Variants in CAPS2 observed in about 807,000 individuals in gnomAD.
CAPS2 encodes the protein calcyphosine 2.
CAPS2 carries 98 observed loss-of-function variants against 86.5 expected under a neutral mutation model. The ratio of observed to expected loss-of-function variants is 1.13; its 90% CI spans 0.96 to 1.34. The LOEUF is 1.34. CAPS2 is among the 40% of genes most tolerant of loss of function. The probability of loss-of-function intolerance (pLI) is 0.00; values close to 1 mark genes in which losing one functional copy is unlikely to be tolerated. For synonymous variants in CAPS2, 210 were observed against 225.1 expected, an observed-to-expected ratio of 0.93 and a Z score of 0.60; for missense variants, 729 against 686.8, an observed-to-expected ratio of 1.06 and a Z score of -0.69.
chr12:75,332,431 T>C (rs1226704984), upstream of CAPS2, among the ~76,000 whole-genome samples: 1 of 152,218 alleles, frequency 6.6e-6, no homozygotes, highest in Non-Finnish European at 1.5e-5. Flanking sequence ...ATTTATTTGT[T>C]CATTCAGCCA....
chr12:75,332,074 A>G (rs1276326494), upstream of CAPS2, among the ~76,000 whole-genome samples: 2 of 152,222 alleles, frequency 1.3e-5, no homozygotes, highest in Non-Finnish European at 2.9e-5. Context: ...AACATAATGT[A>G]TACAATTCAG....
intron 1 of CAPS2, among the ~76,000 whole-genome samples, chr12:75,388,265 C>G (rs536453524): frequency 6.6e-6 from 1 of 152,308 alleles, no homozygotes; most frequent in East Asian, 1.9e-4. Context: ...ATTGCGAGGG[C>G]TCCCAGCCAT....
intron 11 of CAPS2, among the ~76,000 whole-genome samples, chr12:75,297,535 G>GTATC (rs1289247749): frequency 6.6e-6 from 1 of 152,072 alleles, no homozygotes; most frequent in Non-Finnish European, 1.5e-5. Context: ...CTGCCCTTGT[G>GTATC]TATCTAGTCT....
At chr12:75,293,681 A>G (rs1284287822) in intron 11 of CAPS2, among the ~76,000 whole-genome samples, 1 of 152,192 alleles carries the variant, frequency 6.6e-6, no homozygotes, top group Non-Finnish European at 1.5e-5. Flanking sequence ...ACCTCCCTGA[A>G]TAGAGCTAAT....
chr12:75,368,364 A>AT (rs1226781354), intron 1 of CAPS2, among the ~76,000 whole-genome samples: 1 of 149,584 alleles, frequency 6.7e-6, no homozygotes, highest in Non-Finnish European at 1.5e-5. Flanking sequence ...AACTTTAACA[A>AT]TTTTTTCCTG....
intron 8 of CAPS2, among the ~76,000 whole-genome samples, chr12:75,304,337 G>A (rs943351403): frequency 3.3e-5 from 5 of 152,106 alleles, no homozygotes; most frequent in Non-Finnish European, 5.9e-5. Flanking sequence ...CAGCATCAGA[G>A]GATTGTAAAA....
intron 1 of CAPS2, chr12:75,370,295 T>A: frequency 5.2e-6 from 3 of 578,866 alleles, no homozygotes; most frequent in Non-Finnish European, 9.2e-6. Flanking sequence ...GCCTGATACC[T>A]AAATTTAATG....
At chr12:75,386,753 A>G (rs1455663715) in intron 1 of CAPS2, among the ~76,000 whole-genome samples, 4 of 152,222 alleles carry the variant, frequency 2.6e-5, no homozygotes, top group African/African-American at 9.6e-5. Flanking sequence ...GAAATAGAAC[A>G]GCATAAATAA....
At chr12:75,329,984 T>C (rs1281492017), upstream of CAPS2, 2 of 843,742 alleles carry the variant, frequency 2.4e-6, no homozygotes, top group Non-Finnish European at 3.7e-6. Flanking sequence ...AGGTATAAAC[T>C]AGCGCGATTC....
chr12:75,364,504 T>G (rs1226620513), intron 1 of CAPS2, among the ~76,000 whole-genome samples: 2 of 152,208 alleles, frequency 1.3e-5, no homozygotes, highest in African/African-American at 2.4e-5. Context: ...ATCCAAAAAC[T>G]TATAGCCAAT....
chr12:75,311,711 AC>A (rs58247739), intron 7 of CAPS2, among the ~76,000 whole-genome samples: 50,056 of 71,530 alleles, frequency 0.7, 17,737 homozygotes, highest in Non-Finnish European at 0.74. Flanking sequence ...AAAAAAAAAA[AC>A]AAAAAAAAAA....
At chr12:75,340,885 G>T (rs112509906) in intron 1 of CAPS2, among the ~76,000 whole-genome samples, 1,631 of 151,862 alleles carry the variant, frequency 0.011, 20 homozygotes, top group African/African-American at 0.032. Flanking sequence ...GACATATCAC[G>T]ACACACCAAT....
chr12:75,387,706 A>G (rs1444052668), intron 1 of CAPS2, among the ~76,000 whole-genome samples: 1 of 152,294 alleles, frequency 6.6e-6, no homozygotes, highest in East Asian at 1.9e-4. Context: ...AGCACAGAGT[A>G]TCACATGGTA....
intron 14 of CAPS2, among the ~76,000 whole-genome samples, 180 bp from the exon 15 acceptor site, chr12:75,285,260 G>A (rs1315047415): frequency 6.6e-6 from 1 of 152,076 alleles, no homozygotes; most frequent in Non-Finnish European, 1.5e-5. Flanking sequence ...AGAGGAATCT[G>A]TGGTGAATGG....
intron 5 of CAPS2, among the ~76,000 whole-genome samples, 165 bp downstream of exon 5, chr12:75,321,235 C>A (rs757088385): frequency 1.1e-4 from 17 of 152,078 alleles, no homozygotes; most frequent in Non-Finnish European, 2.2e-4. Flanking sequence ...ACAAACTAGT[C>A]AATGTAAGTA....
intron 1 of CAPS2, among the ~76,000 whole-genome samples, chr12:75,386,227 G>T (rs2045283883): frequency 6.6e-6 from 1 of 152,206 alleles, no homozygotes. Flanking sequence ...GAACAAGGTT[G>T]CAGGACTAAC....
At chr12:75,343,743 C>CA in intron 1 of CAPS2, 1 of 1,612,094 alleles carries the variant, frequency 6.2e-7, no homozygotes, top group South Asian at 1.1e-5. Flanking sequence ...CAAACCAGTG[C>CA]AAATTTGAAC....
At chr12:75,375,030 C>A (rs1464922760) in intron 1 of CAPS2, among the ~76,000 whole-genome samples, 6 of 152,156 alleles carry the variant, frequency 3.9e-5, no homozygotes, top group Admixed American at 3.9e-4. Flanking sequence ...TGGCACTAAT[C>A]TCTGCAATCC....
intron 6 of CAPS2, among the ~76,000 whole-genome samples, chr12:75,315,246 T>C (rs2039637006): frequency 6.6e-6 from 1 of 152,170 alleles, no homozygotes; most frequent in Admixed American, 6.6e-5. Context: ...CAATACCCAA[T>C]GAGCCTTAAT....
Sources: allele counts gnomAD v4.1 joint callset (sites outside exome capture counted in the v4.1 genomes callset), GRCh38; gene constraint gnomAD v4.1.1; transcripts MANE v1.5; gene names NCBI Gene and HGNC (gene_info 2026-07-23, HGNC 2026-07-21).